The following GOLM1 variants were observed in gnomAD, a reference collection of about 807,000 sequenced individuals.
The protein encoded by GOLM1 is golgi membrane protein 1, also known as epididymis luminal protein 46.
A neutral mutation model predicts 50.5 loss-of-function variants in GOLM1; 31 were observed. The ratio of observed to expected loss-of-function variants is 0.61; its 90% CI spans 0.46 to 0.83. The LOEUF is 0.83. Ranked by LOEUF, GOLM1 falls within the 40% of genes least tolerant of loss-of-function variation. The pLI is 0.00. For synonymous variants in GOLM1, 178 were observed against 192.8 expected (o/e 0.92, Z 0.64); for missense variants, 491 against 501.3 (o/e 0.98, Z 0.20).
At chr9:86,040,215 T>C (rs566827775) in intron 6 of GOLM1, among the ~76,000 whole-genome samples, 6 of 152,250 alleles carry the variant, frequency 3.9e-5, no homozygotes, top group South Asian at 2.1e-4. Context: ...AATTGTAAAT[T>C]TTCTATGGGT....
Position 86,098,982 on chromosome 9 carries a change from G to A in GOLM1, c.-22+429C>T, listed in dbSNP as rs575576041. 2.0e-5 allele frequency among the ~76,000 whole-genome samples: 3 copies of A among 152,332 alleles called. No individual in the cohort carries two copies. In the East Asian group the frequency reaches 5.8e-4, roughly 29 times the overall value. ...CGGGAGCCGAGAGACTCGCGGCTCG[G>A]CCAGCCTCCCGCGCCTGGTGCAAAT... On this transcript the variant is annotated intron_variant, in intron 1 of 9. Coordinates refer to ENST00000388712, the MANE Select transcript of GOLM1 (RefSeq NM_016548.4).
chr9:86,033,426 C>T (rs755730817), intron 8 of GOLM1, 31 bp from the exon 9 acceptor site: 6 of 1,325,944 alleles, frequency 4.5e-6, no homozygotes, highest in Non-Finnish European at 6.5e-6. Context: ...ACATAAGCTA[C>T]ATCATTTCTG....
intron 7 of GOLM1, 128 bp from the exon 8 acceptor site, chr9:86,035,753 T>C: frequency 1.2e-6 from 1 of 814,294 alleles, no homozygotes; most frequent in Non-Finnish European, 1.9e-6. Context: ...TGGGGTGGGC[T>C]GCACACAGGA....
intron 1 of GOLM1, among the ~76,000 whole-genome samples, chr9:86,080,949 A>C (rs545909726): frequency 6.6e-6 from 1 of 152,120 alleles, no homozygotes; most frequent in East Asian, 1.9e-4. Context: ...CAGTCACGCA[A>C]TTGTGGCTCA....
At chr9:86,099,780 AC>A (rs1165344786), upstream of GOLM1, among the ~76,000 whole-genome samples, 7 of 151,894 alleles carry the variant, frequency 4.6e-5, no homozygotes, top group African/African-American at 1.7e-4. Context: ...CCCCCGGGCC[AC>A]CCCATCGCCC....
rs377434318 is a variant in GOLM1 at position 86,058,771 on chromosome 9, C to A, written c.310-6180G>T. Among the ~76,000 whole-genome samples the A allele has an allele frequency of 2.5e-4, 38 of 150,236 alleles. No individual in the cohort carries two copies. In the South Asian group the frequency reaches 6.7e-3, roughly 27 times the overall value. Reference sequence around the variant, plus strand: ...CAGCACTTTGGAAGTCCGAGGCGGGCGGATCACCTGAGGTCAGGGGTTCAA... The same window carrying A: ...CAGCACTTTGGAAGTCCGAGGCGGGAGGATCACCTGAGGTCAGGGGTTCAA... On this transcript the variant is annotated intron_variant, in intron 3 of 9. Coordinates refer to ENST00000388712, the MANE Select transcript of GOLM1 (RefSeq NM_016548.4).
chr9:86,083,045 C>T (rs1156958877), intron 1 of GOLM1, among the ~76,000 whole-genome samples: 1 of 152,184 alleles, frequency 6.6e-6, no homozygotes, highest in African/African-American at 2.4e-5. Flanking sequence ...TAACTGATCT[C>T]CTACAGAGAA....
At position 86,036,488 on chromosome 9, in the gene GOLM1, G is replaced by A. The variant is rs1833151452; in HGVS notation, c.617C>T (p.Pro206Leu). 2.5e-6 allele frequency: 4 copies of A among 1,614,076 alleles called. No individual in the cohort carries two copies. The highest frequency in any genetic ancestry group is 3.4e-6 in the Non-Finnish European group (4 of 1,180,036). The change falls in exon 7 of 10, where the codon CCT becomes CTT. Residue 206 changes from proline to leucine, a missense_variant. Coordinates refer to ENST00000388712, the MANE Select transcript of GOLM1 (RefSeq NM_016548.4). Reference sequence around the variant, plus strand: ...GCCTGCTGCCTGCAGCCTGGGCTGAGGCTCACTGAGGGCTTGGAGCTGAAA... The same window carrying A: ...GCCTGCTGCCTGCAGCCTGGGCTGAAGCTCACTGAGGGCTTGGAGCTGAAA... ...QRQQLQALSE[P>L]QPRLQAAGLP...
chr9:86,082,025 C>CTTTTTTTTTTT (rs35208119), intron 1 of GOLM1, among the ~76,000 whole-genome samples: 4 of 84,502 alleles, frequency 4.7e-5, no homozygotes, highest in Non-Finnish European at 8.7e-5. Context: ...ACCTGGGACA[C>CTTTTTTTTTTT]TTTTTTTTTT....
chr9:86,053,157 C>G (rs1833827894), intron 3 of GOLM1, among the ~76,000 whole-genome samples: 1 of 135,898 alleles, frequency 7.4e-6, no homozygotes, highest in Non-Finnish European at 1.6e-5. Context: ...CACTCCACAC[C>G]ACACATTCAC....
chr9:86,095,452 T>TG (rs1379813215), intron 1 of GOLM1, among the ~76,000 whole-genome samples: 2 of 151,578 alleles, frequency 1.3e-5, no homozygotes, highest in African/African-American at 4.9e-5. Context: ...TTCACCATGT[T>TG]GGCCAGGTTG....
chr9:86,083,068 T>C (rs1834834712), intron 1 of GOLM1, among the ~76,000 whole-genome samples: 1 of 152,198 alleles, frequency 6.6e-6, no homozygotes, highest in Admixed American at 6.5e-5. Context: ...AGTCAAGGTT[T>C]TCCAGGCTTA....
In GOLM1 at chr9:86,079,235, C is replaced by A; in HGVS notation, c.86G>T (p.Gly29Val). ...GGAGCTCGCAATCCAGTAGTTGAAG[C>A]CCAAGACGATGATGCAGGCCACCAG... Reference protein sequence around the residue: ...AALVACIIVLGFNYWIASSRS... With the variant: ...AALVACIIVLVFNYWIASSRS... The change falls in exon 2 of 10, where the codon GGC becomes GTC. Residue 29 changes from glycine to valine, a missense_variant. Transcript: ENST00000388712. The A allele has an allele frequency of 1.9e-6, 3 of 1,609,484 alleles. No homozygotes were observed. The highest frequency in any genetic ancestry group is 2.5e-6 in the Non-Finnish European group (3 of 1,176,916).
intron 9 of GOLM1, among the ~76,000 whole-genome samples, chr9:86,032,163 G>A (rs1259264458): frequency 6.6e-6 from 1 of 151,822 alleles, no homozygotes; most frequent in Non-Finnish European, 1.5e-5. Context: ...CACATGGCTT[G>A]GATTCTTTTG....
At chr9:86,066,552 G>A (rs1175312019) in intron 3 of GOLM1, among the ~76,000 whole-genome samples, 2 of 152,118 alleles carry the variant, frequency 1.3e-5, no homozygotes, top group African/African-American at 2.4e-5. Context: ...CATGACAAAG[G>A]AACTGTTGCT....
At chr9:86,028,707 G>C (rs1431160501) in intron 9 of GOLM1, among the ~76,000 whole-genome samples, 1 of 152,202 alleles carries the variant, frequency 6.6e-6, no homozygotes, top group Non-Finnish European at 1.5e-5. Context: ...CTCAACCCTA[G>C]ATGCTGCCGC....
intron 4 of GOLM1, among the ~76,000 whole-genome samples, chr9:86,048,615 C>G (rs893088969): frequency 6.6e-6 from 1 of 152,192 alleles, no homozygotes; most frequent in Non-Finnish European, 1.5e-5. Flanking sequence ...TTGCATTTCT[C>G]TGATGACCAG....
intron 3 of GOLM1, among the ~76,000 whole-genome samples, chr9:86,063,978 ATGGC>A (rs1309515435): frequency 6.6e-6 from 1 of 152,236 alleles, no homozygotes; most frequent in East Asian, 1.9e-4. Flanking sequence ...GAACTTGTCC[ATGGC>A]ATGTTTAAAA....
chr9:86,089,614 T>C (rs371979117), intron 1 of GOLM1, among the ~76,000 whole-genome samples: 1 of 152,150 alleles, frequency 6.6e-6, no homozygotes, highest in African/African-American at 2.4e-5. Context: ...CATCAGGTCA[T>C]TTATGTTCTT....
Sources: allele counts gnomAD v4.1 joint callset (sites outside exome capture counted in the v4.1 genomes callset), GRCh38; gene constraint gnomAD v4.1.1; transcripts MANE v1.5; gene names NCBI Gene and HGNC (gene_info 2026-07-23, HGNC 2026-07-21).